The following SPAG11B variants were observed in gnomAD, a reference collection of about 807,000 sequenced individuals.
SPAG11B encodes sperm associated antigen 11B, also known as sperm-associated antigen 11B.
In SPAG11B, 5 loss-of-function variants were observed where a neutral mutation model predicts 8.9. That is an observed-to-expected ratio of 0.56 (90% CI 0.29 to 1.19). SPAG11B has a LOEUF of 1.19. SPAG11B is among the 50% of genes most tolerant of loss of function. The pLI, the probability that SPAG11B is intolerant of heterozygous loss-of-function variation, is 0.08. For synonymous variants in SPAG11B, 12 were observed against 53.0 expected, an observed-to-expected ratio of 0.23 and a Z score of 3.36; for missense variants, 38 against 146.4, an observed-to-expected ratio of 0.26 and a Z score of 3.82.
chr8:7,454,502 A>G (rs1378499143), intron 2 of SPAG11B, among the ~76,000 whole-genome samples: 1 of 105,098 alleles, frequency 9.5e-6, no homozygotes, highest in East Asian at 2.7e-4. Flanking sequence ...TTTGGAAACA[A>G]TAAACTATGT....
At chr8:7,459,440 C>G (rs1358903606) in intron 2 of SPAG11B, among the ~76,000 whole-genome samples, 1 of 145,728 alleles carries the variant, frequency 6.9e-6, no homozygotes, top group East Asian at 2.3e-4. Flanking sequence ...TCGGTTCTTT[C>G]TGAGAGAAAA....
downstream of SPAG11B, among the ~76,000 whole-genome samples, chr8:7,449,554 C>T (rs1238802218): frequency 4.0e-5 from 6 of 149,806 alleles, no homozygotes; most frequent in African/African-American, 7.5e-5. Flanking sequence ...GCAGAGGTGC[C>T]TGTGCCTAAG....
intron 2 of SPAG11B, among the ~76,000 whole-genome samples, chr8:7,458,711 A>T (rs1195164269): frequency 3.0e-5 from 4 of 131,154 alleles, no homozygotes; most frequent in Admixed American, 7.9e-5. Context: ...CTCTACAGAT[A>T]TAAAAATAAA....
chr8:7,451,171 T>A, intron 2 of SPAG11B: 1 of 1,559,244 alleles, frequency 6.4e-7, no homozygotes, highest in Non-Finnish European at 8.7e-7. Context: ...TAAATGAGGG[T>A]CCTCGAGCCT....
rs1317627930 is a variant in SPAG11B, at chr8:7,453,723, G to A, written c.215-2823C>T. Among the ~76,000 whole-genome samples the A allele has an allele frequency of 1.7e-3, 247 of 148,796 alleles. 2 individuals carry two copies. Among genetic ancestry groups the A allele is most frequent in the African/African-American group, 6.0e-3 (234 of 39,308 alleles). ...GACTTTCTGCATGGGTGAACAGTGT[G>A]AGCATCTCAAAGAGGCAGGGGCTGG... On this transcript the variant is annotated intron_variant, in intron 2 of 2. Transcript: ENST00000398462.
intron 2 of SPAG11B, among the ~76,000 whole-genome samples, chr8:7,453,989 G>A (rs1338015496): frequency 7.0e-6 from 1 of 142,800 alleles, no homozygotes; most frequent in Non-Finnish European, 1.5e-5. Flanking sequence ...ATGAATATTT[G>A]TGAGGGTCCA....
chr8:7,451,740 C>G (rs1321068048), intron 2 of SPAG11B, among the ~76,000 whole-genome samples: 1 of 151,170 alleles, frequency 6.6e-6, no homozygotes, highest in Non-Finnish European at 1.5e-5. Flanking sequence ...CTTCCAATAT[C>G]TCATTATGTC....
Position 7,450,910 on chromosome 8 carries a change from C to T in SPAG11B, c.215-10G>A. 3 of 1,552,452 alleles carry T rather than the reference C, an allele frequency of 1.9e-6. No individual in the cohort carries two copies. The highest frequency in any genetic ancestry group is 2.6e-6 in the Non-Finnish European group (3 of 1,140,020). ...CCCGGTGGAACATCCCCTATGGATA[C>T]AACAGAAGAGAGTTGACATTTAACT... On this transcript the variant is annotated splice_polypyrimidine_tract_variant and intron_variant, in intron 2 of 2. Transcript: ENST00000398462.
intron 2 of SPAG11B, among the ~76,000 whole-genome samples, chr8:7,453,654 C>T (rs1321769961): frequency 6.7e-6 from 1 of 150,152 alleles, no homozygotes; most frequent in Non-Finnish European, 1.5e-5. Context: ...ATGAGTCTTA[C>T]CTAGACATGG....
chr8:7,462,127 A>AG (rs1810696168), intron 2 of SPAG11B, among the ~76,000 whole-genome samples: 2 of 69,488 alleles, frequency 2.9e-5, no homozygotes, highest in Non-Finnish European at 6.0e-5. Flanking sequence ...GGTCCTGCCC[A>AG]GGGGTTTGGG....
At chr8:7,451,697 G>A (rs1369186793) in intron 2 of SPAG11B, among the ~76,000 whole-genome samples, 6 of 117,134 alleles carry the variant, frequency 5.1e-5, no homozygotes, top group Non-Finnish European at 1.1e-4. Flanking sequence ...CCCCCAGCCT[G>A]GAAGCGTGGA....
At chr8:7,451,761 A>G (rs1254418054) in intron 2 of SPAG11B, among the ~76,000 whole-genome samples, 5 of 151,554 alleles carry the variant, frequency 3.3e-5, no homozygotes, top group Admixed American at 6.6e-5. Flanking sequence ...TCCTTAGACA[A>G]CTCATTTAAC....
intron 2 of SPAG11B, among the ~76,000 whole-genome samples, chr8:7,451,594 C>T (rs868556267): frequency 2.6e-3 from 333 of 127,532 alleles, no homozygotes; most frequent in Non-Finnish European, 3.9e-3. Flanking sequence ...GGGGTCTAAT[C>T]CCTGATTCTG....
downstream of SPAG11B, chr8:7,448,063 A>G: frequency 9.2e-7 from 1 of 1,083,682 alleles, no homozygotes; most frequent in Non-Finnish European, 1.3e-6. Context: ...TTCCCAAATA[A>G]GAGCAGATGC....
intron 2 of SPAG11B, among the ~76,000 whole-genome samples, chr8:7,451,661 G>A (rs1224368787): frequency 7.7e-6 from 1 of 129,608 alleles, no homozygotes; most frequent in African/African-American, 3.0e-5. Context: ...AAGGTGGGGG[G>A]TCCACCTTTA....
At chr8:7,451,759 C>T (rs1810194204) in intron 2 of SPAG11B, among the ~76,000 whole-genome samples, 1 of 151,592 alleles carries the variant, frequency 6.6e-6, no homozygotes, top group African/African-American at 2.4e-5. Context: ...TCTCCTTAGA[C>T]AACTCATTTA....
At chr8:7,450,368 G>C (rs1266638742), downstream of SPAG11B, among the ~76,000 whole-genome samples, 1 of 146,946 alleles carries the variant, frequency 6.8e-6, no homozygotes, top group South Asian at 2.1e-4. Context: ...TGCTGGGTGT[G>C]GTAAGAAAGA....
intron 2 of SPAG11B, among the ~76,000 whole-genome samples, chr8:7,458,590 A>G (rs1405912082): frequency 2.8e-4 from 23 of 82,794 alleles, no homozygotes; most frequent in African/African-American, 1.3e-3. Flanking sequence ...TCACACGTTG[A>G]GAAAGAAAGG....
At chr8:7,448,748 C>A (rs1310812785), downstream of SPAG11B, among the ~76,000 whole-genome samples, 7 of 131,552 alleles carry the variant, frequency 5.3e-5, no homozygotes, top group Non-Finnish European at 9.9e-5. Flanking sequence ...CAGGAGCCTG[C>A]ACCGCCTTCC....
Sources: allele counts gnomAD v4.1 joint callset (sites outside exome capture counted in the v4.1 genomes callset), GRCh38; gene constraint gnomAD v4.1.1; transcripts MANE v1.5; gene names NCBI Gene and HGNC (gene_info 2026-07-23, HGNC 2026-07-21).